The following PCM1 variants were observed in gnomAD, a reference collection of about 807,000 sequenced individuals.
PCM1 encodes the protein pericentriolar material 1.
Under a neutral mutation model 241.9 loss-of-function variants are expected in PCM1, and 157 were observed. The ratio of observed to expected loss-of-function variants is 0.65; its 90% CI spans 0.57 to 0.74. The LOEUF is 0.74. PCM1 is among the 30% of genes least tolerant of loss of function. PCM1 has a pLI of 0.00. For missense variants in PCM1, 3,478 were observed against 2,360.1 expected (o/e 1.47, Z -9.81); for synonymous variants, 1,085 against 784.9 (o/e 1.38, Z -6.39).
chr8:17,945,537 G>T (rs1042422574), intron 6 of PCM1, among the ~76,000 whole-genome samples: 6 of 152,186 alleles, frequency 3.9e-5, no homozygotes, highest in Admixed American at 3.3e-4. Context: ...TAACTTTCTT[G>T]AATATTTAAC....
At chr8:17,939,614 G>T in intron 5 of PCM1, 77 bp from the exon 6 acceptor site, 1 of 690,740 alleles carries the variant, frequency 1.4e-6, no homozygotes, top group Middle Eastern at 2.6e-4. Flanking sequence ...TAAAACTGTT[G>T]CTATTGAACT....
chr8:17,924,788 G>C lies in PCM1; in HGVS notation c.-23+8G>C, dbSNP rs2056239326. On this transcript the variant is annotated splice_region_variant and intron_variant, in intron 2 of 38. Coordinates refer to ENST00000325083, the MANE Select transcript of PCM1 (RefSeq NM_006197.4). ...AAACTAGTTTCTAAACAGGTAATTT[G>C]ACATTATTATCTGTATTATCCTTTG... 6.6e-6 allele frequency: 1 copy of C among 152,172 alleles called. No homozygotes were observed. The highest frequency in any genetic ancestry group is 2.4e-5 in the African/African-American group (1 of 41,428). The allele number at this position is 152,172 out of a possible 1,614,324, so 9.4% of individuals were successfully genotyped here. A position where few individuals can be genotyped will look rare whatever the true frequency, so the allele number is the denominator to read the frequency against.
chr8:17,957,371 A>G lies in PCM1; in HGVS notation c.1754A>G (p.Asn585Ser), dbSNP rs767924091. 1 of 1,612,834 alleles carries G rather than the reference A, an allele frequency of 6.2e-7. No individual in the cohort carries two copies. Among genetic ancestry groups the G allele is most frequent in the Non-Finnish European group, 8.5e-7 (1 of 1,179,086 alleles). ...ACAGTTAATTCTAATTGTGAAATTA[A>G]CAACAGATCTGCTGCCAACATAAGG... ...GRTVNSNCEINNRSAANIRAL... is the reference protein window; with the variant it reads ...GRTVNSNCEISNRSAANIRAL... The change falls in exon 12 of 39, where the codon AAC becomes AGC. Residue 585 changes from asparagine to serine, a missense_variant. Asn to Ser is a conservative substitution (Grantham distance 46). Coordinates refer to ENST00000325083, the MANE Select transcript of PCM1 (RefSeq NM_006197.4).
chr8:17,923,938 G>A (rs752774836), intron 1 of PCM1, among the ~76,000 whole-genome samples: 27 of 152,106 alleles, frequency 1.8e-4, no homozygotes, highest in Admixed American at 3.3e-4. Context: ...GAGGCTGGGC[G>A]CGCCAACTTT....
At chr8:18,001,021 G>C (rs1282774930) in intron 29 of PCM1, among the ~76,000 whole-genome samples, 1 of 152,186 alleles carries the variant, frequency 6.6e-6, no homozygotes, top group East Asian at 1.9e-4. Flanking sequence ...TAGACATAAG[G>C]TAGATTATAG....
chr8:18,019,775 TCCTGCTATTTGG>T (rs1056521712), intron 36 of PCM1, among the ~76,000 whole-genome samples: 2 of 152,206 alleles, frequency 1.3e-5, no homozygotes, highest in African/African-American at 2.4e-5. Context: ...ACCACTCACC[TCCTGCTATTTGG>T]CCTGGTTCTT....
intron 6 of PCM1, among the ~76,000 whole-genome samples, chr8:17,943,339 A>G (rs964556914): frequency 2.6e-5 from 4 of 152,134 alleles, no homozygotes; most frequent in Admixed American, 1.3e-4. Flanking sequence ...ATCAAGTAAA[A>G]TGTGCCCCAG....
At chr8:17,960,757 C>G (rs1263032257) in intron 15 of PCM1, among the ~76,000 whole-genome samples, 1 of 152,052 alleles carries the variant, frequency 6.6e-6, no homozygotes, top group Non-Finnish European at 1.5e-5. Flanking sequence ...ATCTCCTGAC[C>G]TCGTGATTCG....
chr8:17,959,976 G>C, intron 13 of PCM1, 38 bp from the exon 14 acceptor site: 1 of 1,576,338 alleles, frequency 6.3e-7, no homozygotes. Flanking sequence ...AATGTCTTGA[G>C]GTATCAAGAT....
chr8:17,968,517 A>G (rs1055300941), intron 21 of PCM1, among the ~76,000 whole-genome samples: 4 of 152,118 alleles, frequency 2.6e-5, no homozygotes, highest in African/African-American at 7.2e-5. Flanking sequence ...AAGACATTAT[A>G]GTGATAGAGT....
chr8:17,983,761 AATAT>A (rs1338448779), intron 24 of PCM1, among the ~76,000 whole-genome samples: 11 of 152,306 alleles, frequency 7.2e-5, no homozygotes, highest in African/African-American at 2.6e-4. Flanking sequence ...TTTAGTCTCT[AATAT>A]AAGTATTCTC....
chr8:17,948,631 T>C lies in PCM1; in HGVS notation c.961+1268T>C, dbSNP rs575047788. ...AACTTACTCTTTTGTAGTAATGATA[T>C]AGCTGTATAGAGTACTGTATACAGT... On this transcript the variant is annotated intron_variant, in intron 7 of 38. Coordinates refer to ENST00000325083, the MANE Select transcript of PCM1 (RefSeq NM_006197.4). Among the ~76,000 whole-genome samples, 4 of 152,300 alleles carry C rather than the reference T, an allele frequency of 2.6e-5. No homozygotes were observed. In the East Asian group the frequency reaches 5.8e-4, roughly 22 times the overall value.
chr8:17,943,808 T>A (rs756026299), intron 6 of PCM1, among the ~76,000 whole-genome samples: 19 of 152,200 alleles, frequency 1.2e-4, no homozygotes, highest in Non-Finnish European at 2.4e-4. Flanking sequence ...CCACCCCTGT[T>A]TCCTCCTTAG....
chr8:17,991,775 G>A (rs1196247727), intron 28 of PCM1, 75 bp downstream of exon 28: 16 of 1,091,938 alleles, frequency 1.5e-5, no homozygotes, highest in Non-Finnish European at 1.9e-5. Flanking sequence ...CTTTAGTGGT[G>A]ATTTCTGAGA....
Position 17,955,552 on chromosome 8 carries a change from A to G in PCM1, c.1371A>G (p.Glu457=). The G allele has an allele frequency of 1.2e-6, 2 of 1,613,792 alleles. No homozygotes were observed. The highest frequency in any genetic ancestry group is 8.5e-7 in the Non-Finnish European group (1 of 1,179,728). Residue 457 remains glutamate (E), a synonymous_variant, in exon 10 of 39, where the codon GAA becomes GAG. Coordinates refer to ENST00000325083, the MANE Select transcript of PCM1 (RefSeq NM_006197.4). ...GCTTGGCACCGGTTGTCAATGGAGA[A>G]TCCAATAGCCTCACATCATCTGTTC... ...SVGLAPVVNG[E]SNSLTSSVPY...
At chr8:17,950,157 C>T (rs1231469594) in intron 7 of PCM1, among the ~76,000 whole-genome samples, 2 of 152,116 alleles carry the variant, frequency 1.3e-5, no homozygotes, top group Admixed American at 6.5e-5. Flanking sequence ...AACTGTATTT[C>T]CCACAAAGTT....
intron 36 of PCM1, among the ~76,000 whole-genome samples, chr8:18,024,359 C>T (rs994215950): frequency 6.6e-6 from 1 of 151,972 alleles, no homozygotes; most frequent in Non-Finnish European, 1.5e-5. Context: ...AGAGTGAGGC[C>T]CTGTGTCTTA....
rs1268444003 is a variant in PCM1 at position 17,935,694 on chromosome 8, G to T, written c.84G>T (p.Arg28Ser). The stretch of plus-strand genomic sequence containing the variant: ...GGAGTAATGAGAATGTTGATGACAG[G>T]CTCAACAATATGGTATGATTCCTTA... ...PNWSNENVDD[R>S]LNNMDWGAQQ... The change falls in exon 3 of 39, where the codon AGG (arginine) becomes AGT (serine). Residue 28 changes from arginine (R) to serine (S), a missense_variant. By Grantham distance (110) the Arg-to-Ser change is moderately radical. Coordinates refer to ENST00000325083, the MANE Select transcript of PCM1 (RefSeq NM_006197.4). The T allele has an allele frequency of 2.1e-6, 3 of 1,422,094 alleles. No individual in the cohort carries two copies. The highest frequency in any genetic ancestry group is 2.3e-5 in the East Asian group (1 of 43,980). 88.1% of individuals were successfully genotyped at this position (1,422,094 alleles called of 1,614,324 possible).
In PCM1 at chr8:18,028,798, C is replaced by CTT. The variant is rs202022267; in HGVS notation, c.*1138_*1139dup. The CTT allele has an allele frequency of 1.1e-3, 215 of 189,656 alleles. 1 individual carries two copies. Among genetic ancestry groups the CTT allele is most frequent in the African/African-American group, 4.7e-3 (204 of 43,042 alleles). 11.7% of individuals were successfully genotyped at this position (189,656 alleles called of 1,614,324 possible). A position where few individuals can be genotyped will look rare whatever the true frequency, so the allele number is the denominator to read the frequency against. On this transcript the variant is annotated 3_prime_UTR_variant, in exon 39 of 39. Transcript: ENST00000325083. ...GAATTAGTTCCAATAAGTATTTTAA[C>CTT]TTTGTTAACAACTGAAATACCCCAT...
Sources: gnomAD v4.1 joint callset for allele counts (sites outside exome capture counted in the v4.1 genomes callset) on GRCh38, gnomAD v4.1.1 for gene constraint, MANE v1.5 for transcripts, NCBI Gene and HGNC (gene_info 2026-07-23, HGNC 2026-07-21) for gene names.